CDKAL1: variants seen among roughly 807,000 people sequenced by gnomAD.
The protein encoded by CDKAL1 is threonylcarbamoyladenosine tRNA methylthiotransferase.
In CDKAL1, 32 loss-of-function variants were observed where a neutral mutation model predicts 68.2. The observed-to-expected ratio is 0.47, with a 90% CI of 0.35 to 0.63. The LOEUF (loss-of-function observed/expected upper bound fraction) is 0.63, where lower values mean the gene tolerates loss of function less well. Among genes scored for constraint, CDKAL1 ranks in the 30% least tolerant of loss-of-function variants. The pLI, the probability that CDKAL1 is intolerant of heterozygous loss-of-function variation, is 0.00. For synonymous variants in CDKAL1, 234 were observed against 244.3 expected (o/e 0.96, Z 0.39); for missense variants, 606 against 696.7 (o/e 0.87, Z 1.47).
chr6:21,088,406 G>A (rs920427357), intron 12 of CDKAL1, among the ~76,000 whole-genome samples: 1 of 152,118 alleles, frequency 6.6e-6, no homozygotes, highest in Admixed American at 6.6e-5. Context: ...TAAATAATTG[G>A]TTTTCGGTTG....
intron 9 of CDKAL1, among the ~76,000 whole-genome samples, chr6:20,877,840 C>T: frequency 6.6e-6 from 1 of 152,102 alleles, no homozygotes; most frequent in East Asian, 1.9e-4. Context: ...AATCCTAGCC[C>T]CTTAGGCTGG....
At chr6:21,193,261 C>A (rs1451829197) in intron 13 of CDKAL1, among the ~76,000 whole-genome samples, 1 of 152,016 alleles carries the variant, frequency 6.6e-6, no homozygotes, top group East Asian at 1.9e-4. Context: ...AAGAAGGTAG[C>A]TGTAATTTGC....
rs548355962 is a variant in CDKAL1 at position 21,093,920 on chromosome 6, C to A, written c.1237-14481C>A. ...TTTTTTTTTTTTTTTTTTGTAGAGA[C>A]AGGGTCTTACTATCTTGTCCAGGCT... On this transcript the variant is annotated intron_variant, in intron 12 of 15. Transcript: ENST00000274695. 4.8e-3 allele frequency among the ~76,000 whole-genome samples: 591 copies of A among 123,290 alleles called. 5 individuals are homozygous for A. The highest frequency in any genetic ancestry group is 0.018 in the African/African-American group (567 of 32,286). The allele number at this position is 123,290 out of a possible 152,430, so 80.9% of individuals were successfully genotyped here.
intron 9 of CDKAL1, among the ~76,000 whole-genome samples, chr6:20,899,582 G>A (rs1360158154): frequency 6.6e-6 from 1 of 152,064 alleles, no homozygotes; most frequent in African/African-American, 2.4e-5. Flanking sequence ...GGTGGCTCAC[G>A]CCTGTAATCC....
intron 13 of CDKAL1, among the ~76,000 whole-genome samples, chr6:21,184,695 GGC>G (rs1777935598): frequency 1.4e-4 from 21 of 152,164 alleles, no homozygotes; most frequent in Admixed American, 1.2e-3. Context: ...TCTGTTCCCA[GGC>G]TGGAGTACAG....
chr6:20,831,725 G>A (rs1777726080), intron 8 of CDKAL1, among the ~76,000 whole-genome samples: 1 of 152,080 alleles, frequency 6.6e-6, no homozygotes, highest in Non-Finnish European at 1.5e-5. Flanking sequence ...ATCAAGAAAT[G>A]GTTTGTTGTT....
intron 11 of CDKAL1, among the ~76,000 whole-genome samples, chr6:21,039,413 A>G (rs1769785228): frequency 1.3e-5 from 2 of 152,166 alleles, no homozygotes; most frequent in Admixed American, 1.3e-4. Context: ...ATTGATATTA[A>G]TATTAGGAAT....
intron 9 of CDKAL1, among the ~76,000 whole-genome samples, chr6:20,913,587 A>C (rs1431606567): frequency 6.6e-6 from 1 of 152,194 alleles, no homozygotes; most frequent in Non-Finnish European, 1.5e-5. Flanking sequence ...TTGCCTGAGC[A>C]CACCGCATGG....
intron 5 of CDKAL1, among the ~76,000 whole-genome samples, chr6:20,700,535 T>C (rs1319987768): frequency 6.6e-6 from 1 of 152,178 alleles, no homozygotes; most frequent in Non-Finnish European, 1.5e-5. Flanking sequence ...ATTACAGGCC[T>C]GGGCAGAAAC....
chr6:20,965,269 A>G (rs1173896395), intron 10 of CDKAL1, among the ~76,000 whole-genome samples: 1 of 147,764 alleles, frequency 6.8e-6, no homozygotes, highest in Non-Finnish European at 1.5e-5. Flanking sequence ...CTATGATCAT[A>G]TAACTGCACC....
chr6:20,877,138 A>G (rs867922389), intron 9 of CDKAL1, among the ~76,000 whole-genome samples: 1 of 152,208 alleles, frequency 6.6e-6, no homozygotes, highest in Non-Finnish European at 1.5e-5. Context: ...TTACATTGTG[A>G]TGGGAAAGAC....
intron 4 of CDKAL1, among the ~76,000 whole-genome samples, chr6:20,639,724 G>A (rs1032292344): frequency 3.3e-5 from 5 of 152,224 alleles, no homozygotes; most frequent in African/African-American, 9.6e-5. Flanking sequence ...AGGCTGGAGT[G>A]CCGTGGTGCG....
chr6:21,080,119 C>G (rs1772305891), intron 12 of CDKAL1, among the ~76,000 whole-genome samples: 1 of 149,920 alleles, frequency 6.7e-6, no homozygotes, highest in Non-Finnish European at 1.5e-5. Context: ...TTGAGCACTT[C>G]CCTTATATCC....
At chr6:20,877,341 A>T (rs1469014239) in intron 9 of CDKAL1, among the ~76,000 whole-genome samples, 1 of 152,192 alleles carries the variant, frequency 6.6e-6, no homozygotes, top group Non-Finnish European at 1.5e-5. Flanking sequence ...ATCTGATGAG[A>T]TTTAGGGATT....
At chr6:20,994,595 A>G (rs915982485) in intron 10 of CDKAL1, among the ~76,000 whole-genome samples, 3 of 152,362 alleles carry the variant, frequency 2.0e-5, no homozygotes, top group Non-Finnish European at 4.4e-5. Flanking sequence ...TGTTACAGGC[A>G]TACCTCAGAG....
chr6:20,968,287 C>A (rs1765427386), intron 10 of CDKAL1, among the ~76,000 whole-genome samples: 1 of 151,460 alleles, frequency 6.6e-6, no homozygotes, highest in Admixed American at 6.6e-5. Flanking sequence ...GCATCCCAAG[C>A]AGCTGGGGCT....
At chr6:20,940,397 A>G (rs1371880905) in intron 9 of CDKAL1, among the ~76,000 whole-genome samples, 1 of 152,190 alleles carries the variant, frequency 6.6e-6, no homozygotes, top group Admixed American at 6.5e-5. Context: ...TCTATACCTT[A>G]TAACAGTGCT....
chr6:20,652,295 GT>G (rs1466542285), intron 5 of CDKAL1, among the ~76,000 whole-genome samples: 2 of 152,144 alleles, frequency 1.3e-5, no homozygotes, highest in Admixed American at 1.3e-4. Flanking sequence ...ACTTTGTGAA[GT>G]TGCCTGACAC....
At chr6:21,161,060 G>C (rs980671956) in intron 13 of CDKAL1, among the ~76,000 whole-genome samples, 1 of 152,048 alleles carries the variant, frequency 6.6e-6, no homozygotes, top group African/African-American at 2.4e-5. Flanking sequence ...GTGCAGTGAA[G>C]GTAGTGTCAA....
Sources: gnomAD v4.1 joint callset for allele counts (sites outside exome capture counted in the v4.1 genomes callset) on GRCh38, gnomAD v4.1.1 for gene constraint, MANE v1.5 for transcripts, NCBI Gene and HGNC (gene_info 2026-07-23, HGNC 2026-07-21) for gene names.